The following ZMYM1 variants were observed in gnomAD, a reference collection of about 807,000 sequenced individuals.
The protein encoded by ZMYM1 is zinc finger MYM-type protein 1.
ZMYM1 carries 39 observed loss-of-function variants against 60.0 expected under a neutral mutation model. That is an observed-to-expected ratio of 0.65 (90% confidence interval 0.50 to 0.85). ZMYM1 has a LOEUF of 0.85. Ranked by LOEUF, ZMYM1 falls within the 40% of genes least tolerant of loss-of-function variation. ZMYM1 has a pLI of 0.00. For synonymous variants in ZMYM1, 413 were observed against 454.0 expected, an observed-to-expected ratio of 0.91 and a Z score of 1.15; for missense variants, 1,171 against 1,309.5, an observed-to-expected ratio of 0.89 and a Z score of 1.63.
intron 4 of ZMYM1, among the ~76,000 whole-genome samples, chr1:35,100,088 G>T (rs567805827): frequency 1.3e-5 from 2 of 151,896 alleles, no homozygotes; most frequent in East Asian, 1.9e-4. Context: ...ATGCAGTTTC[G>T]CCATGTTGGC....
intron 1 of ZMYM1, among the ~76,000 whole-genome samples, chr1:35,088,834 C>T (rs1369116288): frequency 8.5e-6 from 1 of 117,018 alleles, no homozygotes; most frequent in Non-Finnish European, 1.7e-5. Flanking sequence ...GTTTTTGAGA[C>T]AGAGTCTCAC....
In ZMYM1 at chr1:35,114,124, G is replaced by A. The variant is rs759410983; in HGVS notation, c.2294G>A (p.Arg765Gln). 1.5e-5 allele frequency: 24 copies of A among 1,611,802 alleles called. No homozygotes were observed. The highest frequency in any genetic ancestry group is 1.1e-4 in the East Asian group (5 of 44,854). Residue 765 changes from arginine (R) to glutamine (Q), a missense_variant, in exon 10 of 10, where the codon CGA becomes CAA. By Grantham distance (43) the Arg-to-Gln change is conservative. Transcript: ENST00000359858. ...TTTTGTAAAGAAGTAAAAGAACTCC[G>A]AAGTGCTCTAAAAACTCTCAGTTCT... Reference protein sequence around the residue: ...IRFCKEVKELRSALKTLSSLF... With the variant: ...IRFCKEVKELQSALKTLSSLF...
chr1:35,068,131 T>C (rs189936432), intron 1 of ZMYM1, among the ~76,000 whole-genome samples: 1 of 151,408 alleles, frequency 6.6e-6, no homozygotes, highest in East Asian at 2.0e-4. Context: ...ATCAAGAAAT[T>C]GTGTTGGCCA....
chr1:35,106,365 T>C (rs1410972396), intron 6 of ZMYM1, among the ~76,000 whole-genome samples: 1 of 152,104 alleles, frequency 6.6e-6, no homozygotes, highest in Non-Finnish European at 1.5e-5. Context: ...TCCCAGCACT[T>C]TGGGAGGCCG....
chr1:35,118,638 C>T (rs1221418521), downstream of ZMYM1, among the ~76,000 whole-genome samples: 7 of 151,852 alleles, frequency 4.6e-5, no homozygotes, highest in Admixed American at 6.6e-5. Context: ...ACCCGGGAGG[C>T]GGAGCTTGCA....
At chr1:35,080,926 C>T (rs773031962) in intron 1 of ZMYM1, among the ~76,000 whole-genome samples, 14 of 139,526 alleles carry the variant, frequency 1.0e-4, no homozygotes, top group South Asian at 2.4e-4. Context: ...AAAGACCTTG[C>T]AGAACTCAGT....
intron 1 of ZMYM1, among the ~76,000 whole-genome samples, chr1:35,071,314 C>CATTTATTT (rs113346365): frequency 1.3e-5 from 2 of 151,206 alleles, no homozygotes; most frequent in South Asian, 2.1e-4. Context: ...AGTTTGCTGC[C>CATTTATTT]ATTTATTTAT....
At chr1:35,090,076 T>A (rs1010518822) in intron 1 of ZMYM1, among the ~76,000 whole-genome samples, 1 of 151,954 alleles carries the variant, frequency 6.6e-6, no homozygotes, top group Non-Finnish European at 1.5e-5. Context: ...CGGCTAATTT[T>A]TTTGTATTTT....
chr1:35,114,335 C>T lies in ZMYM1; in HGVS notation c.2505C>T (p.Ser835=). The stretch of plus-strand genomic sequence containing the variant: ...TTGAAACATTGGAAGTTATAGCAAG[C>T]CATTCTTCAAATACAAGTTTCGCCG... The part of the protein sequence containing the change: ...EIIETLEVIA[S]HSSNTSFADE... Residue 835 remains serine, a synonymous_variant, in exon 10 of 10, where the codon AGC becomes AGT. Transcript: ENST00000359858. 3 of 1,612,626 alleles carry T rather than the reference C, an allele frequency of 1.9e-6. No individual in the cohort carries two copies. Among genetic ancestry groups the T allele is most frequent in the Non-Finnish European group, 2.5e-6 (3 of 1,179,550 alleles).
chr1:35,068,678 C>T (rs965394529), intron 1 of ZMYM1, among the ~76,000 whole-genome samples: 6 of 149,322 alleles, frequency 4.0e-5, no homozygotes, highest in African/African-American at 1.5e-4. Context: ...AAAACTACAC[C>T]TCTCATCTCA....
chr1:35,107,339 G>A (rs1215500552), intron 6 of ZMYM1, among the ~76,000 whole-genome samples: 1 of 151,256 alleles, frequency 6.6e-6, no homozygotes, highest in Non-Finnish European at 1.5e-5. Flanking sequence ...TGTGGTGGCG[G>A]GCGCCTGTAG....
In ZMYM1 at chr1:35,095,892, G is replaced by A. The variant is rs747432129; in HGVS notation, c.169+1G>A. The A allele has an allele frequency of 1.2e-6, 2 of 1,600,852 alleles. No homozygotes were observed. Among genetic ancestry groups the A allele is most frequent in the Non-Finnish European group, 1.7e-6 (2 of 1,169,614 alleles). On this transcript the variant is annotated splice_donor_variant, in intron 3 of 9. Coordinates refer to ENST00000359858, the MANE Select transcript of ZMYM1 (RefSeq NM_024772.5). LOFTEE classifies it high-confidence loss of function. ...ATAAATGCTGTGTTTTCAGAGAGTG[G>A]TAATAGAATTATTTAAGTTAGTTAT...
rs757734828 is a variant in ZMYM1, at chr1:35,113,131, G to T, written c.1301G>T (p.Ser434Ile). 3 of 1,613,830 alleles carry T rather than the reference G, an allele frequency of 1.9e-6. No homozygotes were observed. The highest frequency in any genetic ancestry group is 2.7e-5 in the African/African-American group (2 of 74,904). The change falls in exon 10 of 10, where the codon AGT becomes ATT. Residue 434 changes from serine to isoleucine, a missense_variant. By Grantham distance (142) the Ser-to-Ile change is moderately radical. Coordinates refer to ENST00000359858, the MANE Select transcript of ZMYM1 (RefSeq NM_024772.5). ...GACAATATGAAATCTATGAAAATAA[G>T]TGATGAACTATGTCACCCAAAATGT... ...QKDNMKSMKI[S>I]DELCHPKCTS...
At chr1:35,062,065 C>T (rs1033940938) in intron 1 of ZMYM1, among the ~76,000 whole-genome samples, 1 of 152,038 alleles carries the variant, frequency 6.6e-6, no homozygotes, top group African/African-American at 2.4e-5. Context: ...CTCTTGACCT[C>T]GTGATCTGCC....
chr1:35,100,610 A>G (rs1643592678), intron 4 of ZMYM1, among the ~76,000 whole-genome samples: 1 of 150,570 alleles, frequency 6.6e-6, no homozygotes, highest in Non-Finnish European at 1.5e-5. Flanking sequence ...CAACGGAGTG[A>G]GACCCTGTCT....
chr1:35,063,348 C>T (rs1209989656), intron 1 of ZMYM1, among the ~76,000 whole-genome samples: 1 of 152,078 alleles, frequency 6.6e-6, no homozygotes. Flanking sequence ...TGCTCTGTCA[C>T]CCAGGCTAGA....
chr1:35,089,410 G>A (rs1642862952), intron 1 of ZMYM1, among the ~76,000 whole-genome samples: 1 of 152,134 alleles, frequency 6.6e-6, no homozygotes, highest in Admixed American at 6.5e-5. Context: ...GACAGAGGCT[G>A]TATGAGCTAT....
intron 1 of ZMYM1, among the ~76,000 whole-genome samples, chr1:35,060,161 A>G (rs1641845640): frequency 6.8e-6 from 1 of 148,090 alleles, no homozygotes; most frequent in Non-Finnish European, 1.5e-5. Flanking sequence ...TATTATTATT[A>G]TTATTATTAT....
At chr1:35,076,269 G>A (rs1479246459), upstream of ZMYM1, among the ~76,000 whole-genome samples, 3 of 152,150 alleles carry the variant, frequency 2.0e-5, no homozygotes, top group Non-Finnish European at 4.4e-5. Flanking sequence ...CAAGCCAGGG[G>A]ACACCTTCCA....
Sources: gnomAD v4.1 joint callset for allele counts (sites outside exome capture counted in the v4.1 genomes callset) on GRCh38, gnomAD v4.1.1 for gene constraint, MANE v1.5 for transcripts, NCBI Gene and HGNC (gene_info 2026-07-23, HGNC 2026-07-21) for gene names.